Variants in NLRC3 observed in about 807,000 individuals in gnomAD.
The protein encoded by NLRC3 is NLR family CARD domain containing 3.
In NLRC3, 87 loss-of-function variants were observed where a neutral mutation model predicts 91.6. That is an observed-to-expected ratio of 0.95 (90% confidence interval 0.80 to 1.14). NLRC3 has a LOEUF of 1.14. Among genes scored for constraint, NLRC3 ranks in the 50% most tolerant of loss-of-function variants. NLRC3 has a pLI of 0.00. For synonymous variants in NLRC3, 694 were observed against 625.3 expected, an observed-to-expected ratio of 1.11 and a Z score of -1.64; for missense variants, 1,577 against 1,418.6, an observed-to-expected ratio of 1.11 and a Z score of -1.79.
Position 3,577,360 on chromosome 16 carries a change from C to A in NLRC3, c.-380G>T. On this transcript the variant is annotated 5_prime_UTR_variant, in exon 1 of 20. Transcript: ENST00000359128. Reference sequence around the variant, plus strand: ...GGGGCCGAGAGCAGTGCAGCCCCGACCTTCTGCAGCCCCACCGAGCCCACC... The same window carrying A: ...GGGGCCGAGAGCAGTGCAGCCCCGAACTTCTGCAGCCCCACCGAGCCCACC... The A allele has an allele frequency of 1.7e-6, 1 of 587,430 alleles. No individual in the cohort carries two copies. Among genetic ancestry groups the A allele is most frequent in the East Asian group, 3.0e-5 (1 of 33,780 alleles). The allele number at this position is 587,430 out of a possible 1,614,324, so 36.4% of individuals were successfully genotyped here.
intron 15 of NLRC3, chr16:3,545,864 G>T (rs749076969): frequency 1.3e-5 from 2 of 152,348 alleles, no homozygotes; most frequent in African/African-American, 4.8e-5. Context: ...CTGAGGGGCT[G>T]TGTGTACTTT....
At chr16:3,554,945 A>G (rs1277879845) in intron 8 of NLRC3, among the ~76,000 whole-genome samples, 4 of 152,110 alleles carry the variant, frequency 2.6e-5, no homozygotes, top group African/African-American at 9.7e-5. Context: ...AACAGAGGGA[A>G]GAGGCTGGGT....
rs774805873 is a variant in NLRC3 at position 3,548,142 on chromosome 16, T to C, written c.2764A>G (p.Ser922Gly). 1.3e-6 allele frequency: 2 copies of C among 1,585,420 alleles called. No individual in the cohort carries two copies. Among genetic ancestry groups the C allele is most frequent in the Non-Finnish European group, 1.7e-6 (2 of 1,165,658 alleles). ...CTGGGCAGGCCAACTTACTCTAAGC[T>C]GGTGAGGCTCCTGTTGAGCTGTAGT... ...QALQLNRSLT[S>G]LDLQENAIGD... is the part of the protein sequence containing the mutation. The change falls in exon 15 of 20, where the codon AGC becomes GGC. Residue 922 changes from serine (S) to glycine (G), a missense_variant. By Grantham distance (56) the Ser-to-Gly change is moderately conservative. Transcript: ENST00000359128.
rs745971949 is a variant in NLRC3 at position 3,563,487 on chromosome 16, C to CGCCGCTCTCA, written c.1440_1449dup (p.Val484Ter). On this transcript the variant is annotated stop_gained and frameshift_variant, in exon 5 of 20. Coordinates refer to ENST00000359128, the MANE Select transcript of NLRC3 (RefSeq NM_178844.4). LOFTEE classifies it high-confidence loss of function. Reference sequence around the variant, plus strand: ...AGGAAGCCCAGCCTGGGCCAGGATACGCCGCTCTCAGTGAAGAGGTCGAAG... The same window carrying CGCCGCTCTCA: ...AGGAAGCCCAGCCTGGGCCAGGATACGCCGCTCTCAGCCGCTCTCAGTGAAGAGGTCGAAG... 2.5e-6 allele frequency: 4 copies of CGCCGCTCTCA among 1,590,978 alleles called. No homozygotes were observed. The highest frequency in any genetic ancestry group is 3.4e-6 in the Non-Finnish European group (4 of 1,169,302).
rs764036481 is a variant in NLRC3, at chr16:3,544,370, G to A, written c.2772-41C>T. On this transcript the variant is annotated intron_variant, in intron 15 of 19. Transcript: ENST00000359128. ...GACCCCTTTGGGTGCACGGGGCACA[G>A]GGAGCATTCTAGCAAGGCCCTGCCG... is the stretch of plus-strand genomic sequence containing the variant. 8 of 1,426,966 alleles carry A rather than the reference G, an allele frequency of 5.6e-6. No homozygotes were observed. In the Admixed American group the frequency reaches 1.2e-4, roughly 21 times the overall value. 88.4% of individuals were successfully genotyped at this position (1,426,966 alleles called of 1,614,324 possible). A position where few individuals can be genotyped will look rare whatever the true frequency, so the allele number is the denominator to read the frequency against.
At position 3,557,590 on chromosome 16, in the gene NLRC3, T is replaced by C; in HGVS notation, c.2099+3A>G. The stretch of plus-strand genomic sequence containing the variant: ...AAGTTCGGCCTTGGTTGTCCTTACT[T>C]ACTCCAGAGAGGTCAGACTTCTGTT... On this transcript the variant is annotated splice_donor_region_variant and intron_variant, in intron 7 of 19. Transcript: ENST00000359128. 6.2e-7 allele frequency: 1 copy of C among 1,606,142 alleles called. No homozygotes were observed. The highest frequency in any genetic ancestry group is 8.5e-7 in the Non-Finnish European group (1 of 1,173,266).
At chr16:3,561,215 T>C (rs2039594638) in intron 6 of NLRC3, among the ~76,000 whole-genome samples, 1 of 151,688 alleles carries the variant, frequency 6.6e-6, no homozygotes, top group Non-Finnish European at 1.5e-5. Context: ...CCAGGTGTGG[T>C]GGGCCCCTCT....
chr16:3,556,984 T>C lies in NLRC3; in HGVS notation c.2110A>G (p.Asn704Asp). The change falls in exon 8 of 20, where the codon AAC (asparagine) becomes GAC (aspartate). Residue 704 changes from asparagine (N) to aspartate (D), a missense_variant. Coordinates refer to ENST00000359128, the MANE Select transcript of NLRC3 (RefSeq NM_178844.4). The part of the protein sequence containing the change: ...RSLTSLDLRG[N>D]SIGPQGAKAL... ...TTGGCCCCTTGTGGTCCAATGGAGT[T>C]ACCGCGGAGGCTGAAGGAAGAGAGA... The C allele has an allele frequency of 6.2e-7, 1 of 1,612,940 alleles. No homozygotes were observed. Among genetic ancestry groups the C allele is most frequent in the Non-Finnish European group, 8.5e-7 (1 of 1,178,980 alleles).
At position 3,563,896 on chromosome 16, in the gene NLRC3, C is replaced by T. The variant is rs374944368; in HGVS notation, c.1041G>A (p.Thr347=). Residue 347 remains threonine (T), a synonymous_variant, in exon 5 of 20, where the codon ACG becomes ACA. Coordinates refer to ENST00000359128, the MANE Select transcript of NLRC3 (RefSeq NM_178844.4). ...GCCACAGCTCTGCATCCTGGGGCCC[C>T]GTCCTGCTGCGCCACAGGTGGCCTA... ...MALGHLWRSR[T]GPQDAELWPP... The T allele has an allele frequency of 5.0e-6, 8 of 1,595,380 alleles. No individual in the cohort carries two copies. The highest frequency in any genetic ancestry group is 2.3e-5 in the South Asian group (2 of 88,340).
At chr16:3,557,104 G>T in intron 7 of NLRC3, 110 bp from the exon 8 acceptor site, 1 of 737,002 alleles carries the variant, frequency 1.4e-6, no homozygotes, top group South Asian at 1.6e-5. Context: ...GAATGTGTAA[G>T]GGCTTAGGAT....
intron 16 of NLRC3, 130 bp from the exon 17 acceptor site, chr16:3,543,638 G>T: frequency 1.5e-6 from 1 of 675,424 alleles, no homozygotes; most frequent in East Asian, 2.8e-5. Flanking sequence ...GTTGGCCAGC[G>T]CTGTGTCTAG....
intron 10 of NLRC3, 88 bp from the exon 11 acceptor site, chr16:3,550,585 G>C (rs990306650): frequency 1.4e-5 from 13 of 930,864 alleles, no homozygotes; most frequent in Non-Finnish European, 2.3e-5. Flanking sequence ...AAGCCCTCCT[G>C]GGAGGGCTGG....
intron 3 of NLRC3, 89 bp downstream of exon 3, chr16:3,565,230 T>C: frequency 1.4e-6 from 1 of 697,564 alleles, no homozygotes; most frequent in Non-Finnish European, 2.6e-6. Flanking sequence ...GGCCATTTGT[T>C]CCTGGGTGGT....
rs1491362144 is a variant in NLRC3, at chr16:3,569,395, T to TATAGATATATATATATATATATA, written c.-168-2072_-168-2071insTATATATATATATATATATCTAT. 5.2e-4 allele frequency among the ~76,000 whole-genome samples: 25 copies of TATAGATATATATATATATATATA among 47,752 alleles called. 1 individual carries two copies. Among genetic ancestry groups the TATAGATATATATATATATATATA allele is most frequent in the African/African-American group, 1.9e-3 (25 of 13,450 alleles). 31.3% of individuals were successfully genotyped at this position (47,752 alleles called of 152,430 possible). ...CCATATATATATATATATATATATATTATTTTTTTTTTTTTTTTTTTTTTT... is the reference window on the plus strand; with the variant it reads ...CCATATATATATATATATATATATATATAGATATATATATATATATATATATTTTTTTTTTTTTTTTTTTTTTT... On this transcript the variant is annotated intron_variant, in intron 1 of 19. Coordinates refer to ENST00000359128, the MANE Select transcript of NLRC3 (RefSeq NM_178844.4).
chr16:3,550,838 G>T (rs887269443), intron 10 of NLRC3, among the ~76,000 whole-genome samples: 1 of 152,096 alleles, frequency 6.6e-6, no homozygotes. Flanking sequence ...AGAAGGTTGG[G>T]GTTCACCCAG....
chr16:3,554,051 G>T (rs892969960), intron 9 of NLRC3, among the ~76,000 whole-genome samples, 191 bp downstream of exon 9: 1 of 152,002 alleles, frequency 6.6e-6, no homozygotes, highest in Non-Finnish European at 1.5e-5. Context: ...CCAGCCAGGA[G>T]GTTTTATTTT....
intron 1 of NLRC3, among the ~76,000 whole-genome samples, chr16:3,574,854 C>G (rs1033286216): frequency 6.6e-6 from 1 of 152,094 alleles, no homozygotes; most frequent in Non-Finnish European, 1.5e-5. Flanking sequence ...CCCAGCTACT[C>G]TGGAGGCTGA....
intron 1 of NLRC3, among the ~76,000 whole-genome samples, chr16:3,573,634 C>T (rs1297326249): frequency 6.6e-6 from 1 of 152,126 alleles, no homozygotes; most frequent in African/African-American, 2.4e-5. Flanking sequence ...AGCCCTGCTG[C>T]TGGGGGCGGG....
intron 16 of NLRC3, 39 bp from the exon 17 acceptor site, chr16:3,543,547 GC>G: frequency 7.0e-7 from 1 of 1,434,410 alleles, no homozygotes; most frequent in Non-Finnish European, 9.7e-7. Flanking sequence ...AGCCGGCTGG[GC>G]CCACCTCCCT....
Sources: allele counts gnomAD v4.1 joint callset (sites outside exome capture counted in the v4.1 genomes callset), GRCh38; gene constraint gnomAD v4.1.1; transcripts MANE v1.5; gene names NCBI Gene and HGNC (gene_info 2026-07-23, HGNC 2026-07-21).